Variants in ERLIN1 observed in about 807,000 individuals in gnomAD.
ERLIN1 encodes erlin-1.
A neutral mutation model predicts 46.9 loss-of-function variants in ERLIN1; 24 were observed. The ratio of observed to expected loss-of-function variants is 0.51; its 90% confidence interval spans 0.37 to 0.72. ERLIN1 has a LOEUF of 0.72. ERLIN1 is among the 30% of genes least tolerant of loss of function. The pLI is 0.00. For synonymous variants in ERLIN1, 158 were observed against 143.2 expected (o/e 1.10, Z -0.74); for missense variants, 293 against 417.9 (o/e 0.70, Z 2.61).
chr10:100,160,323 C>T (rs989224087), intron 8 of ERLIN1, among the ~76,000 whole-genome samples: 8 of 151,842 alleles, frequency 5.3e-5, no homozygotes, highest in Admixed American at 6.5e-5. Context: ...TCCACCAGAC[C>T]TACAAAGATG....
intron 7 of ERLIN1, among the ~76,000 whole-genome samples, chr10:100,165,685 C>A (rs1843598772): frequency 6.6e-6 from 1 of 152,140 alleles, no homozygotes; most frequent in South Asian, 2.1e-4. Context: ...CCGCACCCAG[C>A]CTAAGCAATC....
At chr10:100,155,675 C>T (rs555122688) in intron 9 of ERLIN1, among the ~76,000 whole-genome samples, 6 of 152,028 alleles carry the variant, frequency 3.9e-5, no homozygotes, top group Admixed American at 6.5e-5. Context: ...CCACCACGCC[C>T]GGCTAATTTT....
chr10:100,177,955 A>G (rs1257152263), intron 4 of ERLIN1, among the ~76,000 whole-genome samples, 178 bp downstream of exon 4: 1 of 152,234 alleles, frequency 6.6e-6, no homozygotes, highest in African/African-American at 2.4e-5. Context: ...ACAGTTGCAG[A>G]AAGTCAACTC....
intron 8 of ERLIN1, among the ~76,000 whole-genome samples, chr10:100,158,885 A>C (rs772201642): frequency 1.3e-5 from 2 of 152,206 alleles, no homozygotes; most frequent in African/African-American, 4.8e-5. Context: ...AGGGAAAAAG[A>C]AGCAGAGAAA....
At chr10:100,174,869 G>C (rs1191923005) in intron 5 of ERLIN1, among the ~76,000 whole-genome samples, 1 of 152,158 alleles carries the variant, frequency 6.6e-6, no homozygotes, top group Non-Finnish European at 1.5e-5. Flanking sequence ...ACTTGGGCTT[G>C]TAACTATGCA....
intron 2 of ERLIN1, among the ~76,000 whole-genome samples, chr10:100,180,484 T>C (rs1464089181): frequency 2.0e-5 from 3 of 152,182 alleles, no homozygotes; most frequent in Non-Finnish European, 4.4e-5. Context: ...AAAAGCTCTC[T>C]GAGGTGAAGG....
intron 3 of ERLIN1, 137 bp from the exon 4 acceptor site, chr10:100,178,331 T>G: frequency 1.7e-6 from 1 of 590,544 alleles, no homozygotes. Context: ...TCCTTTTTCA[T>G]AGCATTTCTG....
intron 8 of ERLIN1, among the ~76,000 whole-genome samples, chr10:100,163,718 C>A (rs1003464002): frequency 6.6e-6 from 1 of 152,176 alleles, no homozygotes; most frequent in Non-Finnish European, 1.5e-5. Flanking sequence ...AATGAAAATG[C>A]TATCCACAGA....
In ERLIN1 at chr10:100,150,680, C is replaced by T. The variant is rs1271179645; in HGVS notation, c.*1451G>A. On this transcript the variant is annotated 3_prime_UTR_variant, in exon 11 of 11. Transcript: ENST00000421367. ...AACAAACTGTCATGAGACTGACAGGCCTGACAGCTGAAAGATTTCTAGAAG... is the reference window on the plus strand; with the variant it reads ...AACAAACTGTCATGAGACTGACAGGTCTGACAGCTGAAAGATTTCTAGAAG... 6.6e-6 allele frequency: 1 copy of T among 152,590 alleles called. No homozygotes were observed. Among genetic ancestry groups the T allele is most frequent in the African/African-American group, 2.4e-5 (1 of 41,426 alleles). 9.5% of individuals were successfully genotyped at this position (152,590 alleles called of 1,614,324 possible).
chr10:100,153,834 T>G (rs1346006905), intron 10 of ERLIN1, among the ~76,000 whole-genome samples: 1 of 152,216 alleles, frequency 6.6e-6, no homozygotes, highest in East Asian at 1.9e-4. Context: ...AACTGGAGTT[T>G]CCTGTCATGC....
At chr10:100,183,924 T>C (rs1844810405) in intron 1 of ERLIN1, 87 bp from the exon 2 acceptor site, 4 of 897,654 alleles carry the variant, frequency 4.5e-6, no homozygotes, top group Non-Finnish European at 7.1e-6. Context: ...TACTCACTCT[T>C]GCTCATGCTG....
intron 6 of ERLIN1, among the ~76,000 whole-genome samples, chr10:100,169,910 T>C (rs1477334106): frequency 6.6e-6 from 1 of 152,052 alleles, no homozygotes; most frequent in Non-Finnish European, 1.5e-5. Flanking sequence ...CCTAGCTACT[T>C]GGGAGGCTAA....
rs569141183 is a variant in ERLIN1, at chr10:100,159,340, C to T, written c.656-3106G>A. Among the ~76,000 whole-genome samples, 437 of 152,218 alleles carry T rather than the reference C, an allele frequency of 2.9e-3. 4 individuals carry two copies. Among genetic ancestry groups the T allele is most frequent in the African/African-American group, 0.01 (426 of 41,534 alleles). ...GTCATAGTGGGAAATTTTAACACATCCTTCTCAGTAATTGATAGGTCAAGA... is the reference window on the plus strand; with the variant it reads ...GTCATAGTGGGAAATTTTAACACATTCTTCTCAGTAATTGATAGGTCAAGA... On this transcript the variant is annotated intron_variant, in intron 8 of 10. Transcript: ENST00000421367.
Position 100,185,938 on chromosome 10 carries a change from G to GCCGA in ERLIN1, c.-316_-313dup, listed in dbSNP as rs1844954510. The GCCGA allele has an allele frequency of 2.2e-6, 1 of 453,130 alleles. No individual in the cohort carries two copies. Among genetic ancestry groups the GCCGA allele is most frequent in the Admixed American group, 4.1e-5 (1 of 24,422 alleles). 28.1% of individuals were successfully genotyped at this position (453,130 alleles called of 1,614,324 possible). ...GCCCAGCCGCAGGCTCGCGAGGAAA[G>GCCGA]CCGACCCCTCGGCCGCGCCTCACCG... On this transcript the variant is annotated 5_prime_UTR_variant, in exon 1 of 11. Coordinates refer to ENST00000421367, the MANE Select transcript of ERLIN1 (RefSeq NM_006459.4).
intron 2 of ERLIN1, among the ~76,000 whole-genome samples, chr10:100,179,873 A>T (rs1386919999): frequency 6.6e-6 from 1 of 152,216 alleles, no homozygotes; most frequent in Non-Finnish European, 1.5e-5. Context: ...GGTTGTAAAC[A>T]ACACAGCTTG....
At chr10:100,165,807 C>T (rs1180612965) in intron 7 of ERLIN1, among the ~76,000 whole-genome samples, 4 of 152,046 alleles carry the variant, frequency 2.6e-5, no homozygotes, top group Non-Finnish European at 4.4e-5. Flanking sequence ...CTCACTGCAA[C>T]CTCTACCTCC....
intron 10 of ERLIN1, among the ~76,000 whole-genome samples, chr10:100,152,576 T>A (rs1842864611): frequency 6.6e-6 from 1 of 152,108 alleles, no homozygotes; most frequent in Non-Finnish European, 1.5e-5. Context: ...AGAGAAGCTG[T>A]TCACTTTTTA....
chr10:100,168,133 A>C (rs1413740834), intron 6 of ERLIN1, among the ~76,000 whole-genome samples: 1 of 152,088 alleles, frequency 6.6e-6, no homozygotes, highest in Non-Finnish European at 1.5e-5. Flanking sequence ...CAAGGACTTG[A>C]TCTCTCAAAA....
intron 6 of ERLIN1, among the ~76,000 whole-genome samples, chr10:100,170,032 C>G (rs571162000): frequency 6.6e-6 from 1 of 152,120 alleles, no homozygotes; most frequent in South Asian, 2.1e-4. Flanking sequence ...CAAAACAAAA[C>G]AAAACAACAT....
Sources: allele counts gnomAD v4.1 joint callset (sites outside exome capture counted in the v4.1 genomes callset), GRCh38; gene constraint gnomAD v4.1.1; transcripts MANE v1.5; gene names NCBI Gene and HGNC (gene_info 2026-07-23, HGNC 2026-07-21).